The following GPC5 variants were observed in gnomAD, a reference collection of about 807,000 sequenced individuals.
GPC5 encodes glypican-5.
In GPC5, 47 loss-of-function variants were observed where a neutral mutation model predicts 53.9. The ratio of observed to expected loss-of-function variants is 0.87; its 90% CI spans 0.69 to 1.11. The LOEUF (loss-of-function observed/expected upper bound fraction) is 1.11, where lower values mean the gene tolerates loss of function less well. Among genes scored for constraint, GPC5 ranks in the 50% most tolerant of loss-of-function variants. The pLI is 0.00. For synonymous variants in GPC5, 286 were observed against 263.3 expected, an observed-to-expected ratio of 1.09 and a Z score of -0.84; for missense variants, 748 against 713.1, an observed-to-expected ratio of 1.05 and a Z score of -0.56.
At chr13:91,951,364 T>C (rs1350672532) in intron 6 of GPC5, among the ~76,000 whole-genome samples, 2 of 152,166 alleles carry the variant, frequency 1.3e-5, no homozygotes, top group Non-Finnish European at 2.9e-5. Flanking sequence ...TGAATATATG[T>C]ATTATGTATA....
rs185569532 is a variant in GPC5 at position 92,370,132 on chromosome 13, A to G, written c.1561+225143A>G. Among the ~76,000 whole-genome samples, 4 of 152,340 alleles carry G rather than the reference A, an allele frequency of 2.6e-5. No individual in the cohort carries two copies. The East Asian group carries it at 5.8e-4, about 22-fold the overall frequency. ...AAATACATACAAAAGATGAATAGGA[A>G]ATATCTTGATGAAATGCACAGGAAT... On this transcript the variant is annotated intron_variant, in intron 7 of 7. Coordinates refer to ENST00000377067, the MANE Select transcript of GPC5 (RefSeq NM_004466.6).
At chr13:91,412,914 G>A (rs1877915207) in intron 1 of GPC5, among the ~76,000 whole-genome samples, 2 of 152,220 alleles carry the variant, frequency 1.3e-5, no homozygotes, top group African/African-American at 4.8e-5. Flanking sequence ...TGTAGCTAAT[G>A]TAAACATCTA....
chr13:91,902,357 A>T (rs2039506118), intron 5 of GPC5, among the ~76,000 whole-genome samples: 1 of 152,054 alleles, frequency 6.6e-6, no homozygotes, highest in African/African-American at 2.4e-5. Context: ...GGGAACTAAG[A>T]TCTTGTTATC....
chr13:92,748,006 A>G (rs1238666352), intron 7 of GPC5, among the ~76,000 whole-genome samples: 2 of 152,194 alleles, frequency 1.3e-5, no homozygotes, highest in East Asian at 3.9e-4. Flanking sequence ...TTCTTTGAAT[A>G]ACCCAAACGA....
At chr13:92,476,902 G>C (rs1267879770) in intron 7 of GPC5, among the ~76,000 whole-genome samples, 1 of 114,602 alleles carries the variant, frequency 8.7e-6, no homozygotes, top group African/African-American at 3.3e-5. Context: ...TGTGGGGTGG[G>C]GGGAGGGGGG....
chr13:92,757,084 C>G (rs1225909910), intron 7 of GPC5, among the ~76,000 whole-genome samples: 1 of 151,620 alleles, frequency 6.6e-6, no homozygotes, highest in Admixed American at 6.6e-5. Flanking sequence ...TCAAACTATA[C>G]TACAAGGCTA....
At chr13:91,403,634 A>G (rs1392865372) in intron 1 of GPC5, among the ~76,000 whole-genome samples, 2 of 152,076 alleles carry the variant, frequency 1.3e-5, no homozygotes, top group Admixed American at 6.6e-5. Flanking sequence ...TGTGCATGTT[A>G]TTTATCTTGA....
Position 91,590,345 on chromosome 13 carries a change from T to C in GPC5, c.326-102842T>C, listed in dbSNP as rs531592503. ...ATGACTCATAAGATCTTCAAATTAT[T>C]CCCCTCAATAACATTCGATTTTCTT... On this transcript the variant is annotated intron_variant, in intron 2 of 7. Transcript: ENST00000377067. Among the ~76,000 whole-genome samples the C allele has an allele frequency of 1.1e-4, 17 of 152,196 alleles. No homozygotes were observed. In the South Asian group the frequency reaches 3.5e-3, roughly 32 times the overall value.
intron 1 of GPC5, among the ~76,000 whole-genome samples, chr13:91,407,705 C>T (rs771471906): frequency 5.3e-5 from 8 of 152,100 alleles, no homozygotes; most frequent in Non-Finnish European, 7.4e-5. Context: ...GGAACTATTC[C>T]TGAGCTGATC....
intron 6 of GPC5, among the ~76,000 whole-genome samples, chr13:91,956,168 C>T (rs2040071322): frequency 6.6e-6 from 1 of 151,976 alleles, no homozygotes; most frequent in Non-Finnish European, 1.5e-5. Context: ...AGTTTTCTCC[C>T]CCCCACCCCA....
intron 7 of GPC5, among the ~76,000 whole-genome samples, chr13:92,752,941 T>A (rs1335920468): frequency 6.6e-6 from 1 of 152,162 alleles, no homozygotes; most frequent in Non-Finnish European, 1.5e-5. Flanking sequence ...CCAGGCTTGC[T>A]TAGGCAAACA....
intron 7 of GPC5, among the ~76,000 whole-genome samples, chr13:92,539,905 G>A (rs1881876831): frequency 6.6e-6 from 1 of 151,916 alleles, no homozygotes; most frequent in South Asian, 2.1e-4. Flanking sequence ...TCCAATCAAA[G>A]AACCAAAAAT....
chr13:91,463,412 A>G lies in GPC5; in HGVS notation c.325+14490A>G, dbSNP rs553288199. Among the ~76,000 whole-genome samples, 7 of 152,270 alleles carry G rather than the reference A, an allele frequency of 4.6e-5. No individual in the cohort carries two copies. The South Asian group carries it at 1.5e-3, about 32-fold the overall frequency. On this transcript the variant is annotated intron_variant, in intron 2 of 7. Coordinates refer to ENST00000377067, the MANE Select transcript of GPC5 (RefSeq NM_004466.6). ...TGGAAAATTTTTAAGGAGACTATAA[A>G]GATACACGTCCAAGCATGTTAATTG...
intron 2 of GPC5, among the ~76,000 whole-genome samples, chr13:91,599,598 A>T (rs1165374062): frequency 6.6e-6 from 1 of 152,210 alleles, no homozygotes; most frequent in East Asian, 1.9e-4. Context: ...AAGTAAAAAC[A>T]TTAAATTCAG....
intron 7 of GPC5, among the ~76,000 whole-genome samples, chr13:92,470,655 G>A (rs1264862075): frequency 6.6e-6 from 1 of 152,118 alleles, no homozygotes; most frequent in Non-Finnish European, 1.5e-5. Flanking sequence ...CTGAGCAGTA[G>A]CTTTCTCATT....
At chr13:91,835,234 C>A (rs545297259) in intron 5 of GPC5, among the ~76,000 whole-genome samples, 1 of 152,184 alleles carries the variant, frequency 6.6e-6, no homozygotes, top group South Asian at 2.1e-4. Flanking sequence ...AGTCAGGAAA[C>A]AACAGATGCT....
chr13:91,932,124 CA>C (rs1462256310), intron 6 of GPC5, among the ~76,000 whole-genome samples: 4 of 151,946 alleles, frequency 2.6e-5, no homozygotes, highest in African/African-American at 7.2e-5. Flanking sequence ...TCTCCAATAC[CA>C]AACTTTTCTT....
chr13:91,992,354 T>C (rs2040464555), intron 6 of GPC5, among the ~76,000 whole-genome samples: 1 of 152,098 alleles, frequency 6.6e-6, no homozygotes, highest in Non-Finnish European at 1.5e-5. Context: ...GTTATTATTC[T>C]ACCAGTAGCC....
At chr13:92,424,173 C>G (rs1787171210) in intron 7 of GPC5, among the ~76,000 whole-genome samples, 1 of 152,030 alleles carries the variant, frequency 6.6e-6, no homozygotes, top group African/African-American at 2.4e-5. Flanking sequence ...GAAAATTCCT[C>G]TAGGGTTATT....
Sources: allele counts gnomAD v4.1 joint callset (sites outside exome capture counted in the v4.1 genomes callset), GRCh38; gene constraint gnomAD v4.1.1; transcripts MANE v1.5; gene names NCBI Gene and HGNC (gene_info 2026-07-23, HGNC 2026-07-21).